The following VPS41 variants were observed in gnomAD, a reference collection of about 807,000 sequenced individuals.
VPS41 encodes the protein VPS41 subunit of HOPS complex.
Under a neutral mutation model 130.9 loss-of-function variants are expected in VPS41, and 85 were observed. That is an observed-to-expected ratio of 0.65 (90% CI 0.55 to 0.78). The LOEUF is 0.78. Among genes scored for constraint, VPS41 ranks in the 30% least tolerant of loss-of-function variants. VPS41 has a pLI of 0.00. For synonymous variants in VPS41, 335 were observed against 332.9 expected, an observed-to-expected ratio of 1.01 and a Z score of -0.07; for missense variants, 874 against 1,018.7, an observed-to-expected ratio of 0.86 and a Z score of 1.93.
intron 25 of VPS41, among the ~76,000 whole-genome samples, chr7:38,733,188 T>C (rs1425301874): frequency 6.6e-6 from 1 of 152,250 alleles, no homozygotes; most frequent in South Asian, 2.1e-4. Flanking sequence ...AGTGCCTTTA[T>C]TGTAGCTATA....
chr7:38,861,899 A>G (rs1023762931), intron 4 of VPS41, among the ~76,000 whole-genome samples: 4 of 152,164 alleles, frequency 2.6e-5, no homozygotes, highest in Admixed American at 2.6e-4. Context: ...TTCAATCAAT[A>G]TAATCCCCTA....
chr7:38,867,507 TGC>T (rs1218530815), intron 3 of VPS41, among the ~76,000 whole-genome samples: 1 of 151,226 alleles, frequency 6.6e-6, no homozygotes, highest in Non-Finnish European at 1.5e-5. Context: ...ATTGCGCCAT[TGC>T]ACTCCAGCCT....
At chr7:38,749,732 G>C (rs1013232988) in intron 22 of VPS41, among the ~76,000 whole-genome samples, 2 of 152,134 alleles carry the variant, frequency 1.3e-5, no homozygotes, top group Non-Finnish European at 1.5e-5. Context: ...AGCAAGCTTG[G>C]GATGCGTTTA....
At chr7:38,896,130 G>A (rs1786985950) in intron 2 of VPS41, among the ~76,000 whole-genome samples, 1 of 152,112 alleles carries the variant, frequency 6.6e-6, no homozygotes, top group Non-Finnish European at 1.5e-5. Context: ...TTAGTATTTG[G>A]AGCATGTGTG....
chr7:38,763,054 AG>A (rs1318653842), intron 17 of VPS41, among the ~76,000 whole-genome samples: 1 of 152,236 alleles, frequency 6.6e-6, no homozygotes, highest in Non-Finnish European at 1.5e-5. Context: ...CTTTAAAAAT[AG>A]GAAAATTATA....
intron 5 of VPS41, among the ~76,000 whole-genome samples, chr7:38,828,890 T>A (rs898873008): frequency 4.6e-5 from 7 of 152,142 alleles, no homozygotes; most frequent in African/African-American, 1.7e-4. Flanking sequence ...TCTTCAACAT[T>A]TAAAGCTCTG....
intron 25 of VPS41, among the ~76,000 whole-genome samples, chr7:38,730,489 C>T (rs1372384433): frequency 6.6e-6 from 1 of 152,174 alleles, no homozygotes; most frequent in Non-Finnish European, 1.5e-5. Context: ...CAGGAAATTA[C>T]ATGATTTTAG....
chr7:38,831,324 C>G (rs1464065851), intron 4 of VPS41: 1 of 430,470 alleles, frequency 2.3e-6, no homozygotes, highest in African/African-American at 2.1e-5. Context: ...CCACATGCAG[C>G]CTTTAAAACT....
At chr7:38,870,492 G>A (rs1452893970) in intron 2 of VPS41, among the ~76,000 whole-genome samples, 1 of 151,960 alleles carries the variant, frequency 6.6e-6, no homozygotes, top group African/African-American at 2.4e-5. Context: ...ATTGGAGTAA[G>A]GTATATAACC....
chr7:38,727,800 C>T (rs1030120665), intron 27 of VPS41, among the ~76,000 whole-genome samples: 1 of 152,162 alleles, frequency 6.6e-6, no homozygotes, highest in Admixed American at 6.5e-5. Flanking sequence ...ATTTGAAAAG[C>T]ATTTGTTAGC....
chr7:38,751,562 C>T (rs1455403428), intron 22 of VPS41, among the ~76,000 whole-genome samples: 3 of 152,196 alleles, frequency 2.0e-5, no homozygotes, highest in African/African-American at 7.2e-5. Context: ...TGATGCAACA[C>T]ACATTTAGTA....
intron 7 of VPS41, among the ~76,000 whole-genome samples, chr7:38,801,231 T>C (rs1784718849): frequency 1.3e-5 from 2 of 152,218 alleles, no homozygotes; most frequent in South Asian, 4.1e-4. Context: ...GACCCTGCTC[T>C]GACATGCAAT....
chr7:38,789,732 T>G (rs1584397063), intron 10 of VPS41, 69 bp downstream of exon 10: 3 of 1,504,878 alleles, frequency 2.0e-6, no homozygotes, highest in Non-Finnish European at 2.8e-6. Context: ...GCAGTCTGGG[T>G]GAGATTAATG....
Position 38,725,988 on chromosome 7 carries a change from T to C in VPS41, c.*258A>G. 1 of 405,698 alleles carries C rather than the reference T, an allele frequency of 2.5e-6. No individual in the cohort carries two copies. Among genetic ancestry groups the C allele is most frequent in the Non-Finnish European group, 4.4e-6 (1 of 225,778 alleles). The allele number at this position is 405,698 out of a possible 1,614,324, so 25.1% of individuals were successfully genotyped here. ...TCCTAGACTTATGTTTCCATTACTA[T>C]ATAAAGAATGAGCCAAACAAATAAA... On this transcript the variant is annotated 3_prime_UTR_variant, in exon 29 of 29. Coordinates refer to ENST00000310301, the MANE Select transcript of VPS41 (RefSeq NM_014396.4).
chr7:38,728,522 T>C lies in VPS41; in HGVS notation c.2404+20A>G. ...CATTAAAATACATGTTTGGGATTTT[T>C]TTGGGGAAAACCTTCTTACCTGATG... On this transcript the variant is annotated intron_variant, in intron 27 of 28. Transcript: ENST00000310301. 6.2e-7 allele frequency: 1 copy of C among 1,614,148 alleles called. No homozygotes were observed. The highest frequency in any genetic ancestry group is 8.5e-7 in the Non-Finnish European group (1 of 1,179,994).
chr7:38,836,017 C>T (rs372113654), intron 4 of VPS41, among the ~76,000 whole-genome samples: 4 of 151,916 alleles, frequency 2.6e-5, no homozygotes, highest in East Asian at 3.9e-4. Context: ...GTGTATTTTG[C>T]TCACATTTTT....
intron 4 of VPS41, among the ~76,000 whole-genome samples, chr7:38,861,769 T>TG (rs1211137920): frequency 6.6e-6 from 1 of 152,146 alleles, no homozygotes; most frequent in Non-Finnish European, 1.5e-5. Context: ...TACACAACCA[T>TG]GGAAGTTCTT....
At chr7:38,788,074 A>G (rs1038975185) in intron 10 of VPS41, among the ~76,000 whole-genome samples, 1 of 152,206 alleles carries the variant, frequency 6.6e-6, no homozygotes, top group Non-Finnish European at 1.5e-5. Flanking sequence ...GATAATAACC[A>G]TCATGGTTTA....
At chr7:38,839,005 A>G (rs1785554107) in intron 4 of VPS41, among the ~76,000 whole-genome samples, 1 of 152,214 alleles carries the variant, frequency 6.6e-6, no homozygotes, top group Non-Finnish European at 1.5e-5. Context: ...ACAAATGGAT[A>G]ATTGATTCCT....
Sources: allele counts gnomAD v4.1 joint callset (sites outside exome capture counted in the v4.1 genomes callset), GRCh38; gene constraint gnomAD v4.1.1; transcripts MANE v1.5; gene names NCBI Gene and HGNC (gene_info 2026-07-23, HGNC 2026-07-21).